Variants in C10orf105 observed in about 807,000 individuals in gnomAD.
C10orf105 encodes chromosome 10 open reading frame 105.
In C10orf105, 2 loss-of-function variants were observed where a neutral mutation model predicts 0.6. The observed-to-expected ratio is 3.18, with a 90% CI of 1.30 to 10.01. The LOEUF (loss-of-function observed/expected upper bound fraction) is 10.01. Among genes scored for constraint, C10orf105 ranks in the 30% most tolerant of loss-of-function variants. The probability of loss-of-function intolerance (pLI) is 0.04; values close to 1 mark genes in which losing one functional copy is unlikely to be tolerated. For missense variants in C10orf105, 209 were observed against 191.4 expected (o/e 1.09, Z -0.54); for synonymous variants, 95 against 82.4 (o/e 1.15, Z -0.83).
intron 1 of C10orf105, among the ~76,000 whole-genome samples, chr10:71,718,807 C>T (rs981768560): frequency 6.6e-6 from 1 of 152,124 alleles, no homozygotes; most frequent in Non-Finnish European, 1.5e-5. Context: ...TGGCTCTCAC[C>T]TGTAATCCCA....
rs1158055735 is a variant in C10orf105 at position 71,713,000 on chromosome 10, G to T, written c.*2936C>A. The T allele has an allele frequency of 1.3e-6, 1 of 776,750 alleles. No individual in the cohort carries two copies. Among genetic ancestry groups the T allele is most frequent in the Non-Finnish European group, 2.2e-6 (1 of 444,764 alleles). 48.1% of individuals were successfully genotyped at this position (776,750 alleles called of 1,614,324 possible). ...CCCTCTCCCATCCCAGGGAGTGTGG[G>T]CCCCCAGGTTGCAGAGCTGAGGATA... On this transcript the variant is annotated 3_prime_UTR_variant, in exon 2 of 2. Coordinates refer to ENST00000441508, the MANE Select transcript of C10orf105 (RefSeq NM_001164375.3).
At chr10:71,734,185 CA>C in intron 1 of C10orf105, 5 of 1,442,140 alleles carry the variant, frequency 3.5e-6, no homozygotes, top group Non-Finnish European at 4.8e-6. Context: ...GCAGAATGAC[CA>C]GGGTTAACAA....
At chr10:71,733,421 G>C (rs1018032281) in intron 1 of C10orf105, among the ~76,000 whole-genome samples, 2 of 152,126 alleles carry the variant, frequency 1.3e-5, no homozygotes, top group Non-Finnish European at 2.9e-5. Flanking sequence ...GAAAGTAAAG[G>C]GTGTAGAGGC....
intron 1 of C10orf105, among the ~76,000 whole-genome samples, chr10:71,725,942 T>G (rs1443311680): frequency 6.6e-6 from 1 of 152,178 alleles, no homozygotes; most frequent in Non-Finnish European, 1.5e-5. Flanking sequence ...GCCCCCATCT[T>G]CTGAATCCAA....
At chr10:71,732,692 T>C (rs1331701720) in intron 1 of C10orf105, 23 of 1,308,540 alleles carry the variant, frequency 1.8e-5, no homozygotes, top group Non-Finnish European at 2.0e-5. Context: ...TCCATTTTCA[T>C]ATGTAGGAGT....
chr10:71,731,950 C>T (rs1455668674), intron 1 of C10orf105: 5 of 1,595,228 alleles, frequency 3.1e-6, no homozygotes, highest in Non-Finnish European at 4.3e-6. Context: ...CCACTCAGTT[C>T]TATCTGGGAC....
At chr10:71,732,923 C>T (rs530091452) in intron 1 of C10orf105, among the ~76,000 whole-genome samples, 2 of 152,304 alleles carry the variant, frequency 1.3e-5, no homozygotes, top group African/African-American at 4.8e-5. Flanking sequence ...CCCACAGGCT[C>T]ACAGCTCAGT....
upstream of C10orf105, among the ~76,000 whole-genome samples, chr10:71,721,459 T>C (rs1294959120): frequency 6.6e-6 from 1 of 152,162 alleles, no homozygotes. Flanking sequence ...CCCTCAACCC[T>C]GCAAGGCTGG....
Position 71,731,836 on chromosome 10 carries a change from C to T in C10orf105, c.-6+5892G>A, listed in dbSNP as rs1839398552. 1.4e-5 allele frequency: 10 copies of T among 738,790 alleles called. No homozygotes were observed. The Admixed American group carries it at 1.9e-4, about 14-fold the overall frequency. 45.8% of individuals were successfully genotyped at this position (738,790 alleles called of 1,614,324 possible). A position where few individuals can be genotyped will look rare whatever the true frequency, so the allele number is the denominator to read the frequency against. ...CACATTGACCTTAACACATCCTCTG[C>T]TGCATCTCTGAGGATGATCCTGCCG... On this transcript the variant is annotated intron_variant, in intron 1 of 1. Coordinates refer to the C10orf105 transcript ENST00000398786.
chr10:71,730,111 A>G (rs1839315241), intron 1 of C10orf105, among the ~76,000 whole-genome samples: 1 of 152,182 alleles, frequency 6.6e-6, no homozygotes, highest in East Asian at 1.9e-4. Context: ...TGCTGGGATT[A>G]CAGGCGTGAG....
At chr10:71,730,127 G>A (rs547814738) in intron 1 of C10orf105, among the ~76,000 whole-genome samples, 24 of 152,192 alleles carry the variant, frequency 1.6e-4, no homozygotes, top group African/African-American at 2.2e-4. Context: ...GTGAGCCACC[G>A]CGCCCGGCCG....
rs1392064156 is a variant in C10orf105, at chr10:71,716,257, C to T, written c.81G>A (p.Gly27=). The T allele has an allele frequency of 3.2e-6, 5 of 1,544,984 alleles. No individual in the cohort carries two copies. The highest frequency in any genetic ancestry group is 4.0e-5 in the Admixed American group (2 of 50,234). ...LAFLSAPVTP[G]TLAEATDPLP... is the part of the protein sequence containing the mutation. ...GGGGGTCAGTTGCCTCTGCAAGGGT[C>T]CCGGGAGTGACGGGAGCTGAGAGAA... The change falls in exon 2 of 2, where the codon GGG becomes GGA. Residue 27 remains glycine, a synonymous_variant. Transcript: ENST00000441508.
chr10:71,720,179 G>A (rs1866487480), upstream of C10orf105, among the ~76,000 whole-genome samples: 1 of 152,188 alleles, frequency 6.6e-6, no homozygotes, highest in South Asian at 2.1e-4. Flanking sequence ...GCTGGTCCCT[G>A]GCAGCCCCTG....
chr10:71,725,253 C>T, intron 1 of C10orf105: 1 of 1,511,002 alleles, frequency 6.6e-7, no homozygotes, highest in Non-Finnish European at 9.2e-7. Flanking sequence ...TCCCAGAAGA[C>T]CCGCAGCCTC....
At chr10:71,731,880 A>G (rs1193843210) in intron 1 of C10orf105, 2 of 1,234,028 alleles carry the variant, frequency 1.6e-6, no homozygotes, top group Non-Finnish European at 2.2e-6. Context: ...GGGGCAGCCC[A>G]TGCTGGGTGG....
chr10:71,735,095 C>A (rs1839522117), intron 1 of C10orf105, among the ~76,000 whole-genome samples: 1 of 152,212 alleles, frequency 6.6e-6, no homozygotes, highest in African/African-American at 2.4e-5. Flanking sequence ...AGGCAGAAAG[C>A]CCTTTGTAAG....
Position 71,715,807 on chromosome 10 carries a change from CG to C in C10orf105, c.*128del. On this transcript the variant is annotated 3_prime_UTR_variant, in exon 2 of 2. Transcript: ENST00000441508. ...GCTGGCCTGGGCATGCAAGGAGCTT[CG>C]GGGGGTGAGTGTGTGTCCCAGACTG... The C allele has an allele frequency of 6.7e-6, 6 of 896,160 alleles. No homozygotes were observed. The highest frequency in any genetic ancestry group is 4.5e-5 in the South Asian group (2 of 44,106). 55.5% of individuals were successfully genotyped at this position (896,160 alleles called of 1,614,324 possible). A position where few individuals can be genotyped will look rare whatever the true frequency, so the allele number is the denominator to read the frequency against.
chr10:71,718,706 A>G (rs762829338), intron 1 of C10orf105, among the ~76,000 whole-genome samples: 1 of 152,218 alleles, frequency 6.6e-6, no homozygotes, highest in Non-Finnish European at 1.5e-5. Context: ...CTTCAAAGGA[A>G]TCTGGAGACC....
rs1051392686 is a variant in C10orf105, at chr10:71,714,933, T to C, written c.*1003A>G. On this transcript the variant is annotated 3_prime_UTR_variant, in exon 2 of 2. Transcript: ENST00000441508. ...TCGCGTTGTGAGGAGAGGTCAAGGG[T>C]TTGGGATTCTGAGAAGCCCATCCTG... 6.6e-6 allele frequency: 1 copy of C among 152,188 alleles called. No individual in the cohort carries two copies. Among genetic ancestry groups the C allele is most frequent in the African/African-American group, 2.4e-5 (1 of 41,426 alleles). 9.4% of individuals were successfully genotyped at this position (152,188 alleles called of 1,614,324 possible).
Sources: gnomAD v4.1 joint callset for allele counts (sites outside exome capture counted in the v4.1 genomes callset) on GRCh38, gnomAD v4.1.1 for gene constraint, MANE v1.5 for transcripts, NCBI Gene and HGNC (gene_info 2026-07-23, HGNC 2026-07-21) for gene names.